XDH: variants seen among roughly 807,000 people sequenced by gnomAD.
XDH encodes the protein xanthine dehydrogenase/oxidase.
Under a neutral mutation model 156.1 loss-of-function variants are expected in XDH, and 138 were observed. The observed-to-expected ratio is 0.88, with a 90% CI of 0.77 to 1.02. The LOEUF is 1.02. XDH is among the 50% of genes least tolerant of loss of function. The pLI, the probability that XDH is intolerant of heterozygous loss-of-function variation, is 0.00. For synonymous variants in XDH, 669 were observed against 625.7 expected, an observed-to-expected ratio of 1.07 and a Z score of -1.03; for missense variants, 1,849 against 1,684.9, an observed-to-expected ratio of 1.10 and a Z score of -1.71.
chr2:31,393,709 C>T (rs1384964106), intron 6 of XDH, among the ~76,000 whole-genome samples: 1 of 151,158 alleles, frequency 6.6e-6, no homozygotes, highest in Non-Finnish European at 1.5e-5. Flanking sequence ...TTGTCTTTCA[C>T]TCATTTTCTG....
At chr2:31,378,110 G>T (rs1558696632) in intron 13 of XDH, among the ~76,000 whole-genome samples, 1 of 44,732 alleles carries the variant, frequency 2.2e-5, no homozygotes, top group Non-Finnish European at 4.4e-5. Context: ...AAGAAAGAAA[G>T]GAAGGAAGGA....
At chr2:31,340,668 C>T (rs1685102206) in intron 33 of XDH, among the ~76,000 whole-genome samples, 1 of 152,070 alleles carries the variant, frequency 6.6e-6, no homozygotes, top group Admixed American at 6.6e-5. Flanking sequence ...CGGAGTTTCG[C>T]CATGTTGTCC....
chr2:31,335,136 G>T lies in XDH; in HGVS notation c.*822C>A, dbSNP rs1684940868. The T allele has an allele frequency of 6.6e-6, 1 of 152,176 alleles. No individual in the cohort carries two copies. The highest frequency in any genetic ancestry group is 2.4e-5 in the African/African-American group (1 of 41,430). 9.4% of individuals were successfully genotyped at this position (152,176 alleles called of 1,614,324 possible). On this transcript the variant is annotated 3_prime_UTR_variant, in exon 36 of 36. Transcript: ENST00000379416. ...TTCTCCTGCCTTAGCCTCCCAAAGT[G>T]CTGGGATTATAGGGGTGAGCCACCA...
At chr2:31,391,778 T>G (rs1686770761) in intron 6 of XDH, among the ~76,000 whole-genome samples, 1 of 152,222 alleles carries the variant, frequency 6.6e-6, no homozygotes, top group South Asian at 2.1e-4. Flanking sequence ...AATGATAATG[T>G]GTTTTGAATT....
chr2:31,350,366 ATCTTTTTTT>A, intron 24 of XDH, 143 bp from the exon 25 acceptor site: 1 of 445,740 alleles, frequency 2.2e-6, no homozygotes, highest in Admixed American at 4.1e-5. Flanking sequence ...TTGCAGCAGC[ATCTTTTTTT>A]TTTTTTTTTT....
intron 18 of XDH, among the ~76,000 whole-genome samples, chr2:31,369,848 A>G (rs1686027128): frequency 6.6e-6 from 1 of 152,266 alleles, no homozygotes; most frequent in Non-Finnish European, 1.5e-5. Flanking sequence ...GAATTACAAA[A>G]TGACTGTCGA....
Position 31,355,026 on chromosome 2 carries a change from T to C in XDH, c.2632-4803A>G, listed in dbSNP as rs373152013. 9.2e-5 allele frequency among the ~76,000 whole-genome samples: 14 copies of C among 152,264 alleles called. No individual in the cohort carries two copies. The East Asian group carries it at 1.7e-3, about 19-fold the overall frequency. On this transcript the variant is annotated intron_variant, in intron 24 of 35. Coordinates refer to ENST00000379416, the MANE Select transcript of XDH (RefSeq NM_000379.4). Reference sequence around the variant, plus strand: ...AAAACTAAAGACAAAGGAAAAATCTTGAAAGCACCCAGAGAATATGACAAC... The same window carrying C: ...AAAACTAAAGACAAAGGAAAAATCTCGAAAGCACCCAGAGAATATGACAAC...
chr2:31,349,222 T>C (rs1390517122), intron 26 of XDH, among the ~76,000 whole-genome samples: 1 of 152,180 alleles, frequency 6.6e-6, no homozygotes, highest in African/African-American at 2.4e-5. Context: ...GCACTGTGCC[T>C]CACTGACAAT....
intron 24 of XDH, among the ~76,000 whole-genome samples, chr2:31,357,053 G>T (rs1285309592): frequency 2.0e-5 from 3 of 152,074 alleles, no homozygotes; most frequent in African/African-American, 7.2e-5. Context: ...AGAAAAAAAT[G>T]AAATACAACA....
chr2:31,337,889 G>C (rs1235439961), intron 34 of XDH, 72 bp from the exon 35 acceptor site: 3 of 1,552,984 alleles, frequency 1.9e-6, no homozygotes, highest in Non-Finnish European at 2.6e-6. Flanking sequence ...AGTGGACCTA[G>C]GAGGCCAGGC....
chr2:31,397,600 C>A (rs1686945092), intron 6 of XDH, 68 bp downstream of exon 6: 10 of 1,595,170 alleles, frequency 6.3e-6, no homozygotes, highest in Admixed American at 5.0e-5. Flanking sequence ...GGTCTCCCTC[C>A]CCACAGTGAT....
At chr2:31,388,151 G>A in intron 7 of XDH, 76 bp downstream of exon 7, 5 of 1,524,140 alleles carry the variant, frequency 3.3e-6, no homozygotes, top group Non-Finnish European at 4.5e-6. Context: ...CACCGCCAGG[G>A]ACATGGAGCT....
rs1685423974 is a variant in XDH, at chr2:31,350,094, T to A, written c.2761A>T (p.Met921Leu). The A allele has an allele frequency of 6.2e-7, 1 of 1,614,210 alleles. No individual in the cohort carries two copies. Among genetic ancestry groups the A allele is most frequent in the Non-Finnish European group, 8.5e-7 (1 of 1,180,048 alleles). ...CTCATCCAGCACTCGGCAATGAGCA[T>A]CCCCTGGGGCCCCCCAAAGCCCCGG... is the stretch of plus-strand genomic sequence containing the variant. ...AFRGFGGPQGMLIAECWMSEV... is the reference protein window; with the variant it reads ...AFRGFGGPQGLLIAECWMSEV... The change falls in exon 25 of 36, where the codon ATG (methionine) becomes TTG (leucine). Residue 921 changes from methionine (M) to leucine (L), a missense_variant. Physicochemically the swap from Met to Leu is conservative, Grantham distance 15. Transcript: ENST00000379416.
At chr2:31,343,072 C>G (rs1685167095) in intron 31 of XDH, among the ~76,000 whole-genome samples, 1 of 151,740 alleles carries the variant, frequency 6.6e-6, no homozygotes, top group African/African-American at 2.4e-5. Context: ...AAAAACAAAA[C>G]CAATATGGGG....
chr2:31,411,394 ATTTAT>A (rs1687339797), intron 1 of XDH, among the ~76,000 whole-genome samples: 1 of 151,888 alleles, frequency 6.6e-6, no homozygotes, highest in African/African-American at 2.4e-5. Flanking sequence ...CTATATATTC[ATTTAT>A]ATTAATTATG....
chr2:31,403,048 A>G lies in XDH; in HGVS notation c.197T>C (p.Val66Ala), dbSNP rs768616979. The change falls in exon 3 of 36, where the codon GTC (valine) becomes GCC (alanine). Residue 66 changes from valine (V) to alanine (A), a missense_variant and splice_region_variant. By Grantham distance (64) the Val-to-Ala change is moderately conservative. Coordinates refer to ENST00000379416, the MANE Select transcript of XDH (RefSeq NM_000379.4). ...SKYDRLQNKIVHFSANACLAP... is the reference protein window; with the variant it reads ...SKYDRLQNKIAHFSANACLAP... ...TGGTCAGCCAGCAGGCAAAGGATAC[A>G]CGATCTTGTTCTGCAGACGATCATA... The G allele has an allele frequency of 1.2e-6, 2 of 1,614,044 alleles. No individual in the cohort carries two copies. The highest frequency in any genetic ancestry group is 2.2e-5 in the South Asian group (2 of 91,084).
intron 9 of XDH, 111 bp from the exon 10 acceptor site, chr2:31,383,958 T>C (rs919207699): frequency 1.4e-4 from 134 of 943,264 alleles, no homozygotes; most frequent in Non-Finnish European, 1.9e-4. Flanking sequence ...TCCACAATCA[T>C]AATATGCTCT....
intron 31 of XDH, among the ~76,000 whole-genome samples, chr2:31,344,359 T>C (rs994888264): frequency 6.6e-6 from 1 of 152,182 alleles, no homozygotes; most frequent in African/African-American, 2.4e-5. Flanking sequence ...GGTTAGGTAC[T>C]GGCCCCAATA....
chr2:31,365,316 T>C (rs1685880089), intron 23 of XDH, 141 bp downstream of exon 23: 1 of 880,818 alleles, frequency 1.1e-6, no homozygotes, highest in African/African-American at 1.7e-5. Context: ...CCTATTTGAA[T>C]TTCTCTTCTT....
Sources: allele counts gnomAD v4.1 joint callset (sites outside exome capture counted in the v4.1 genomes callset), GRCh38; gene constraint gnomAD v4.1.1; transcripts MANE v1.5; gene names NCBI Gene and HGNC (gene_info 2026-07-23, HGNC 2026-07-21).